The following RFPL3 variants were observed in gnomAD, a reference collection of about 807,000 sequenced individuals.
RFPL3 encodes ret finger protein-like 3.
RFPL3 carries 8 observed loss-of-function variants against 8.7 expected under a neutral mutation model. The ratio of observed to expected loss-of-function variants is 0.92; its 90% confidence interval spans 0.54 to 1.66. The LOEUF is 1.66. RFPL3 is among the 40% of genes most tolerant of loss of function. The pLI is 0.00. For missense variants in RFPL3, 341 were observed against 395.0 expected (o/e 0.86, Z 1.16); for synonymous variants, 145 against 150.5 (o/e 0.96, Z 0.27).
At chr22:32,355,373 A>C (rs908519021), upstream of RFPL3, among the ~76,000 whole-genome samples, 4 of 152,134 alleles carry the variant, frequency 2.6e-5, no homozygotes, top group African/African-American at 7.2e-5. Context: ...CTCTGTCTCC[A>C]CACCTTCCTC....
chr22:32,356,993 G>A (rs546649863), upstream of RFPL3: 12 of 487,796 alleles, frequency 2.5e-5, no homozygotes, highest in East Asian at 5.9e-5. Context: ...CTGGCCTGTG[G>A]GTGGGCGAGC....
rs184537397 is a variant in RFPL3 at position 32,358,930 on chromosome 22, G to A, written c.373+486G>A. On this transcript the variant is annotated intron_variant, in intron 1 of 1. Coordinates refer to ENST00000249007, the MANE Select transcript of RFPL3 (RefSeq NM_001098535.1). ...CCCAGGGTTGAGAAGAGTTGGGAAT[G>A]GAGCACCTATGGTGTTTGTTTCTGT... 4.8e-3 allele frequency among the ~76,000 whole-genome samples: 734 copies of A among 152,306 alleles called. 8 individuals carry two copies. Among genetic ancestry groups the A allele is most frequent in the African/African-American group, 0.017 (711 of 41,554 alleles).
Position 32,358,188 on chromosome 22 carries a change from C to T in RFPL3, c.117C>T (p.Ser39=). The change falls in exon 1 of 2, where the codon AGC becomes AGT. Residue 39 remains serine, a synonymous_variant. Transcript: ENST00000249007. ...DMAALFQEAS[S]CPVCSDYLEK... is the part of the protein sequence containing the mutation. ...CTGCACTCTTCCAAGAAGCAAGCAG[C>T]TGTCCCGTCTGCTCAGACTATCTGG... The T allele has an allele frequency of 1.2e-6, 2 of 1,613,982 alleles. No homozygotes were observed. The highest frequency in any genetic ancestry group is 1.7e-6 in the Non-Finnish European group (2 of 1,179,864).
upstream of RFPL3, among the ~76,000 whole-genome samples, chr22:32,355,731 CA>C (rs1932642320): frequency 7.3e-6 from 1 of 137,254 alleles, no homozygotes; most frequent in South Asian, 2.3e-4. Context: ...TGCAGTGAGC[CA>C]AGATTGTGCC....
At chr22:32,357,799 G>A (rs35207231), upstream of RFPL3, 70,369 of 1,210,374 alleles carry the variant, frequency 0.058, 4,829 homozygotes, top group East Asian at 0.45. Flanking sequence ...TCATCAATCA[G>A]TCTCTTGCTG....
At position 32,360,568 on chromosome 22, in the gene RFPL3, G is replaced by A. The variant is rs136471; in HGVS notation, c.690G>A (p.Thr230=). Residue 230 remains threonine, a synonymous_variant, in exon 2 of 2, where the codon ACG becomes ACA. Coordinates refer to ENST00000249007, the MANE Select transcript of RFPL3 (RefSeq NM_001098535.1). ...LRDGSRLSAS[T]VPLTFLLVDR... ...ATGGAAGCCGCCTCTCTGCCAGCACGGTGCCGCTGACTTTCCTCTTAGTAG... is the reference window on the plus strand; with the variant it reads ...ATGGAAGCCGCCTCTCTGCCAGCACAGTGCCGCTGACTTTCCTCTTAGTAG... 19 of 1,609,796 alleles carry A rather than the reference G, an allele frequency of 1.2e-5. No homozygotes were observed. Among genetic ancestry groups the A allele is most frequent in the East Asian group, 1.1e-4 (5 of 44,880 alleles).
In RFPL3 at chr22:32,358,273, C is replaced by G; in HGVS notation, c.202C>G (p.Gln68Glu). ...CTGCCTCAAGTGCATCAATTCGCTG[C>G]AGAAGGAGCCCCATGGGGAGGATCT... The part of the protein sequence containing the change: ...TVCLKCINSL[Q>E]KEPHGEDLLC... The change falls in exon 1 of 2, where the codon CAG becomes GAG. Residue 68 changes from glutamine to glutamate, a missense_variant. Coordinates refer to ENST00000249007, the MANE Select transcript of RFPL3 (RefSeq NM_001098535.1). The G allele has an allele frequency of 6.2e-7, 1 of 1,613,930 alleles. No individual in the cohort carries two copies. The highest frequency in any genetic ancestry group is 8.5e-7 in the Non-Finnish European group (1 of 1,179,874).
upstream of RFPL3, among the ~76,000 whole-genome samples, chr22:32,357,250 TTTTTC>T (rs200467406): frequency 0.048 from 7,357 of 152,176 alleles, 233 homozygotes; most frequent in South Asian, 0.094. Context: ...GATGTAATTT[TTTTTC>T]TTTTCTTTTC....
At chr22:32,356,374 T>C (rs1932666972), upstream of RFPL3, among the ~76,000 whole-genome samples, 1 of 152,092 alleles carries the variant, frequency 6.6e-6, no homozygotes, top group African/African-American at 2.4e-5. Flanking sequence ...ATCAAATGCC[T>C]GGCCTGGCCT....
upstream of RFPL3, among the ~76,000 whole-genome samples, chr22:32,355,163 C>T (rs76324928): frequency 0.071 from 10,771 of 152,032 alleles, 800 homozygotes; most frequent in East Asian, 0.45. Flanking sequence ...TCTAGGCCTA[C>T]TCTGATTGGA....
chr22:32,359,476 C>A (rs527373824), intron 1 of RFPL3, among the ~76,000 whole-genome samples: 2 of 152,188 alleles, frequency 1.3e-5, no homozygotes, highest in South Asian at 4.2e-4. Context: ...GATCACACTG[C>A]CTCCTCCATG....
chr22:32,356,643 GC>G (rs1932677837), upstream of RFPL3: 3 of 242,896 alleles, frequency 1.2e-5, no homozygotes, highest in Non-Finnish European at 8.5e-6. Flanking sequence ...GCAGCTCCAG[GC>G]CCCCATGGGT....
chr22:32,360,285 A>C lies in RFPL3; in HGVS notation c.407A>C (p.Asn136Thr). The change falls in exon 2 of 2, where the codon AAC (asparagine) becomes ACC (threonine). Residue 136 changes from asparagine to threonine, a missense_variant. Asn to Thr is a moderately conservative substitution (Grantham distance 65, BLOSUM62 0). Transcript: ENST00000249007. ...DMTLDADTAN[N>T]FLLISDDLRS... The stretch of plus-strand genomic sequence containing the variant: ...ACCTTGGATGCCGACACAGCCAACA[A>C]CTTCCTCCTCATTTCTGACGACCTC... 6.2e-7 allele frequency: 1 copy of C among 1,613,750 alleles called. No individual in the cohort carries two copies. Among genetic ancestry groups the C allele is most frequent in the Non-Finnish European group, 8.5e-7 (1 of 1,179,718 alleles).
chr22:32,359,535 T>C (rs1443807292), intron 1 of RFPL3, among the ~76,000 whole-genome samples: 2 of 152,228 alleles, frequency 1.3e-5, no homozygotes, highest in African/African-American at 2.4e-5. Context: ...CCTTAAATTA[T>C]TGACCTTTGT....
Position 32,359,209 on chromosome 22 carries a change from C to G in RFPL3, c.373+765C>G, listed in dbSNP as rs559003624. ...CATCCATCTACCCATACCTGACTGT[C>G]TCTCTGCTGAACTATGGAGGACAGA... On this transcript the variant is annotated intron_variant, in intron 1 of 1. Coordinates refer to ENST00000249007, the MANE Select transcript of RFPL3 (RefSeq NM_001098535.1). 5.5e-4 allele frequency among the ~76,000 whole-genome samples: 84 copies of G among 152,274 alleles called. 1 individual carries two copies. In the South Asian group the frequency reaches 0.017, roughly 31 times the overall value.
chr22:32,357,469 C>T, upstream of RFPL3, among the ~76,000 whole-genome samples: 1 of 140,656 alleles, frequency 7.1e-6, no homozygotes, highest in Non-Finnish European at 1.5e-5. Context: ...TGCATCCAGC[C>T]CCCTTTTTTT....
At position 32,358,284 on chromosome 22, in the gene RFPL3, C is replaced by A. The variant is rs1400751463; in HGVS notation, c.213C>A (p.Pro71=). 6.2e-7 allele frequency: 1 copy of A among 1,613,944 alleles called. No homozygotes were observed. The highest frequency in any genetic ancestry group is 1.7e-5 in the Admixed American group (1 of 60,004). The part of the protein sequence containing the change: ...LKCINSLQKE[P]HGEDLLCCCC... ...GCATCAATTCGCTGCAGAAGGAGCC[C>A]CATGGGGAGGATCTGCTTTGCTGTT... is the stretch of plus-strand genomic sequence containing the variant. The change falls in exon 1 of 2, where the codon CCC becomes CCA. Residue 71 remains proline, a synonymous_variant. Coordinates refer to ENST00000249007, the MANE Select transcript of RFPL3 (RefSeq NM_001098535.1).
At chr22:32,357,617 C>T (rs1043091035), upstream of RFPL3, among the ~76,000 whole-genome samples, 8 of 152,210 alleles carry the variant, frequency 5.3e-5, no homozygotes, top group African/African-American at 1.9e-4. Context: ...CAGGCGTGTG[C>T]CACCACGCCT....
At chr22:32,355,063 C>G (rs1050020335), upstream of RFPL3, among the ~76,000 whole-genome samples, 2 of 148,092 alleles carry the variant, frequency 1.4e-5, no homozygotes, top group African/African-American at 4.9e-5. Flanking sequence ...CTTGGAATGA[C>G]AAAACTCCCC....
Sources: gnomAD v4.1 joint callset for allele counts (sites outside exome capture counted in the v4.1 genomes callset) on GRCh38, gnomAD v4.1.1 for gene constraint, MANE v1.5 for transcripts, NCBI Gene and HGNC (gene_info 2026-07-23, HGNC 2026-07-21) for gene names.